PRKDC: variants seen among roughly 807,000 people sequenced by gnomAD.
The protein encoded by PRKDC is protein kinase, DNA-activated, catalytic subunit.
A neutral mutation model predicts 486.9 loss-of-function variants in PRKDC; 82 were observed. The observed-to-expected ratio is 0.17, with a 90% confidence interval of 0.14 to 0.20. The LOEUF is 0.20. Ranked by LOEUF, PRKDC falls within the 10% of genes least tolerant of loss-of-function variation. The pLI is 1.00. For missense variants in PRKDC, 4,504 were observed against 5,038.2 expected (o/e 0.89, Z 3.21); for synonymous variants, 1,895 against 1,837.0 (o/e 1.03, Z -0.81).
chr8:47,880,078 C>T (rs1001570721), intron 38 of PRKDC, among the ~76,000 whole-genome samples: 1 of 151,996 alleles, frequency 6.6e-6, no homozygotes, highest in Non-Finnish European at 1.5e-5. Flanking sequence ...CAAACTCCTG[C>T]CCTCAGGAGA....
At position 47,775,216 on chromosome 8, in the gene PRKDC, T is replaced by TAAA. The variant is rs1462157311; in HGVS notation, c.12183-840_12183-839insTTT. Among the ~76,000 whole-genome samples, 6 of 151,194 alleles carry TAAA rather than the reference T, an allele frequency of 4.0e-5. No homozygotes were observed. In the South Asian group the frequency reaches 8.4e-4, roughly 21 times the overall value. On this transcript the variant is annotated intron_variant, in intron 85 of 85. Coordinates refer to ENST00000314191, the MANE Select transcript of PRKDC (RefSeq NM_006904.7). ...ATAAATAAATAAATAAATAAATAAA[T>TAAA]TAATTAATTAATAGCCATCCTAGCA...
At position 47,783,780 on chromosome 8, in the gene PRKDC, G is replaced by A. The variant is rs2086741142; in HGVS notation, c.11137C>T (p.Pro3713Ser). ...CCGGCGATTCGCACGTGGTACTCTGGCAATGGCTTTCCCCTACCGTCATAC... is the reference window on the plus strand; with the variant it reads ...CCGGCGATTCGCACGTGGTACTCTGACAATGGCTTTCCCCTACCGTCATAC... ...GQYDGRGKPL[P>S]EYHVRIAGFD... Residue 3713 changes from proline (P) to serine (S), a missense_variant, in exon 78 of 86, where the codon CCA becomes TCA. This residue lies in a region of PRKDC where 706 missense variants were observed against 945.0 expected (regional missense o/e 0.75). Coordinates refer to ENST00000314191, the MANE Select transcript of PRKDC (RefSeq NM_006904.7). 1 of 1,613,890 alleles carries A rather than the reference G, an allele frequency of 6.2e-7. No homozygotes were observed. Among genetic ancestry groups the A allele is most frequent in the Non-Finnish European group, 8.5e-7 (1 of 1,179,876 alleles).
intron 40 of PRKDC, among the ~76,000 whole-genome samples, chr8:47,868,836 C>T (rs1239039393): frequency 2.0e-5 from 3 of 152,296 alleles, no homozygotes; most frequent in Non-Finnish European, 4.4e-5. Context: ...GCAGCAATTG[C>T]ACGCAGGACA....
chr8:47,944,633 C>A (rs574857164), intron 7 of PRKDC, among the ~76,000 whole-genome samples: 39 of 152,280 alleles, frequency 2.6e-4, no homozygotes, highest in Admixed American at 2.3e-3. Flanking sequence ...ACATGAGGCT[C>A]TAATCCTGGC....
chr8:47,896,835 C>T (rs983761406), intron 30 of PRKDC, among the ~76,000 whole-genome samples: 1 of 152,088 alleles, frequency 6.6e-6, no homozygotes, highest in Non-Finnish European at 1.5e-5. Flanking sequence ...ACTTAATGGA[C>T]AAAACTGAGC....
intron 21 of PRKDC, 143 bp downstream of exon 21, chr8:47,927,051 G>T (rs998602309): frequency 1.2e-6 from 1 of 823,786 alleles, no homozygotes; most frequent in Non-Finnish European, 1.8e-6. Flanking sequence ...GATAAATTAG[G>T]GAAATTACAA....
intron 40 of PRKDC, 79 bp downstream of exon 40, chr8:47,877,645 T>C (rs1170506000): frequency 6.7e-6 from 9 of 1,338,716 alleles, no homozygotes; most frequent in Non-Finnish European, 8.8e-6. Flanking sequence ...ACTCAGCTTT[T>C]TTTTTGGAAC....
intron 25 of PRKDC, 131 bp from the exon 26 acceptor site, chr8:47,905,107 T>C: frequency 3.1e-6 from 2 of 642,262 alleles, no homozygotes; most frequent in Non-Finnish European, 5.1e-6. Flanking sequence ...ATTAGTTTCC[T>C]TTTTTAGTTC....
At chr8:47,935,130 A>G (rs557350368) in intron 13 of PRKDC, 72 bp from the exon 14 acceptor site, 179 of 1,077,658 alleles carry the variant, frequency 1.7e-4, no homozygotes, top group African/African-American at 1.5e-3. Context: ...AAAAAAAAAC[A>G]AACAGTCATT....
intron 10 of PRKDC, among the ~76,000 whole-genome samples, chr8:47,940,690 G>A (rs1372842637): frequency 6.6e-6 from 1 of 152,074 alleles, no homozygotes; most frequent in Non-Finnish European, 1.5e-5. Flanking sequence ...TTCTATTATT[G>A]TATTCCCAGT....
chr8:47,927,674 G>A lies in PRKDC; in HGVS notation c.2259+97C>T, dbSNP rs373021282. 36 of 1,368,854 alleles carry A rather than the reference G, an allele frequency of 2.6e-5. No homozygotes were observed. In the East Asian group the frequency reaches 5.1e-4, roughly 19 times the overall value. The allele number at this position is 1,368,854 out of a possible 1,614,324, so 84.8% of individuals were successfully genotyped here. ...GACCCGGGCACGCCTGTGAGGAAAC[G>A]CCTGCTGGGACTGCCAGGGCAAGAG... On this transcript the variant is annotated intron_variant, in intron 20 of 85. Coordinates refer to ENST00000314191, the MANE Select transcript of PRKDC (RefSeq NM_006904.7).
chr8:47,789,325 T>C, intron 74 of PRKDC, 87 bp from the exon 75 acceptor site: 1 of 419,268 alleles, frequency 2.4e-6, no homozygotes. Context: ...ATATAAGTTA[T>C]ATATTATACA....
At chr8:47,815,959 C>T (rs565867441) in intron 68 of PRKDC, among the ~76,000 whole-genome samples, 2 of 152,140 alleles carry the variant, frequency 1.3e-5, no homozygotes, top group Non-Finnish European at 2.9e-5. Flanking sequence ...CCTGTAATCC[C>T]ATTACTTTGG....
At chr8:47,810,924 C>T (rs565790265) in intron 68 of PRKDC, among the ~76,000 whole-genome samples, 1 of 152,244 alleles carries the variant, frequency 6.6e-6, no homozygotes, top group Admixed American at 6.5e-5. Context: ...TGAACAGAGT[C>T]AGGGACCTAT....
chr8:47,812,460 A>T (rs1033647690), intron 68 of PRKDC, among the ~76,000 whole-genome samples: 1 of 152,240 alleles, frequency 6.6e-6, no homozygotes, highest in African/African-American at 2.4e-5. Context: ...GAATTTAGAA[A>T]TCACTAAGAT....
At chr8:47,939,860 C>T (rs2090414177) in intron 10 of PRKDC, 163 bp from the exon 11 acceptor site, 2 of 497,026 alleles carry the variant, frequency 4.0e-6, no homozygotes, top group South Asian at 8.5e-5. Context: ...TGCTTAGTCT[C>T]TATCAGGTTC....
At chr8:47,928,269 G>A (rs571153309) in intron 19 of PRKDC, among the ~76,000 whole-genome samples, 42 of 148,602 alleles carry the variant, frequency 2.8e-4, no homozygotes, top group Non-Finnish European at 4.2e-4. Context: ...CTCCTGCCTC[G>A]GCATCCCAAG....
chr8:47,836,964 A>C (rs1170056673), intron 57 of PRKDC, among the ~76,000 whole-genome samples: 1 of 152,208 alleles, frequency 6.6e-6, no homozygotes, highest in African/African-American at 2.4e-5. Context: ...CTCAGCATCC[A>C]CTGTGGATTG....
chr8:47,812,598 A>G (rs1181756306), intron 68 of PRKDC, among the ~76,000 whole-genome samples: 1 of 152,230 alleles, frequency 6.6e-6, no homozygotes, highest in Non-Finnish European at 1.5e-5. Context: ...CTAAAGCAGT[A>G]CTTTACAGGG....
Sources: allele counts gnomAD v4.1 joint callset (sites outside exome capture counted in the v4.1 genomes callset), GRCh38; gene constraint gnomAD v4.1.1; regional missense constraint gnomAD v4.1.1; transcripts MANE v1.5; gene names NCBI Gene and HGNC (gene_info 2026-07-23, HGNC 2026-07-21).